PFKFB3: variants seen among roughly 807,000 people sequenced by gnomAD.
PFKFB3 encodes the protein 6-phosphofructo-2-kinase/fructose-2,6-bisphosphatase 3.
Under a neutral mutation model 68.0 loss-of-function variants are expected in PFKFB3, and 33 were observed. The observed-to-expected ratio is 0.49, with a 90% CI of 0.37 to 0.65. The LOEUF is 0.65. PFKFB3 is among the 30% of genes least tolerant of loss of function. The pLI is 0.00. For missense variants in PFKFB3, 586 were observed against 712.2 expected (o/e 0.82, Z 2.02); for synonymous variants, 315 against 288.2 (o/e 1.09, Z -0.94).
the PFKFB3 span, among the ~76,000 whole-genome samples, chr10:6,281,553 A>G: frequency 6.6e-6 from 1 of 152,070 alleles, no homozygotes; most frequent in Admixed American, 6.6e-5. Context: ...GAGGTTTTAA[A>G]AAGTGCCACT....
intron 1 of PFKFB3, among the ~76,000 whole-genome samples, chr10:6,180,976 T>C (rs983627331): frequency 6.6e-6 from 1 of 152,192 alleles, no homozygotes; most frequent in African/African-American, 2.4e-5. Context: ...AAACAGAGAC[T>C]AGAACAGATA....
At chr10:6,237,836 G>C (rs973356365), downstream of PFKFB3, among the ~76,000 whole-genome samples, 1 of 152,224 alleles carries the variant, frequency 6.6e-6, no homozygotes, top group Admixed American at 6.5e-5. Flanking sequence ...AAAGTGCTGG[G>C]ATTACAGACG....
intron 1 of PFKFB3, among the ~76,000 whole-genome samples, chr10:6,157,358 C>CTGGG (rs1239741563): frequency 6.6e-6 from 1 of 151,880 alleles, no homozygotes; most frequent in African/African-American, 2.4e-5. Flanking sequence ...TCCCGAGTAG[C>CTGGG]TGGGACTACA....
At chr10:6,175,052 G>C (rs1288855107) in intron 1 of PFKFB3, among the ~76,000 whole-genome samples, 1 of 152,094 alleles carries the variant, frequency 6.6e-6, no homozygotes, top group Non-Finnish European at 1.5e-5. Context: ...CTGACCCCAA[G>C]TGTTCCGTGC....
At chr10:6,245,075 CAACTT>C (rs1435092861) in intron 14 of PFKFB3, among the ~76,000 whole-genome samples, 3 of 152,132 alleles carry the variant, frequency 2.0e-5, no homozygotes, top group Non-Finnish European at 2.9e-5. Context: ...TGGGACTAAA[CAACTT>C]GACTTGTGGT....
At chr10:6,225,718 C>CT (rs1215380611) in intron 13 of PFKFB3, among the ~76,000 whole-genome samples, 2 of 149,658 alleles carry the variant, frequency 1.3e-5, no homozygotes, top group African/African-American at 4.9e-5. Flanking sequence ...CCAGGGTGCC[C>CT]TTTGTGTAGT....
intron 1 of PFKFB3, among the ~76,000 whole-genome samples, chr10:6,208,385 T>TTTTTTTTTTTTTTTTC (rs1843938047): frequency 6.8e-6 from 1 of 147,100 alleles, no homozygotes; most frequent in Non-Finnish European, 1.5e-5. Context: ...TTTTTTTTTT[T>TTTTTTTTTTTTTTTTC]TTTTTTTTGC....
At position 6,215,275 on chromosome 10, in the gene PFKFB3, A is replaced by G. The variant is rs1414251863; in HGVS notation, c.257A>G (p.Asn86Ser). 4 of 1,613,760 alleles carry G rather than the reference A, an allele frequency of 2.5e-6. No homozygotes were observed. Among genetic ancestry groups the G allele is most frequent in the Non-Finnish European group, 3.4e-6 (4 of 1,179,994 alleles). ...GCTGTGAAGCAGTACAGCTCCTACA[A>G]CTTCTTCCGCCCCGACAATGAGGAA... is the stretch of plus-strand genomic sequence containing the variant. The part of the protein sequence containing the change: ...REAVKQYSSY[N>S]FFRPDNEEAM... Residue 86 changes from asparagine (N) to serine (S), a missense_variant, in exon 3 of 15, where the codon AAC becomes AGC. By Grantham distance (46) the Asn-to-Ser change is conservative (BLOSUM62 1). Coordinates refer to ENST00000379775, the MANE Select transcript of PFKFB3 (RefSeq NM_004566.4). This position sits in a 1 kb window ranked among gnomAD's most constrained non-coding sequence, Gnocchi z 4.3.
chr10:6,254,568 A>G, exon 15 of PFKFB3: 1 of 387,784 alleles, frequency 2.6e-6, no homozygotes, highest in Non-Finnish European at 4.5e-6. Context: ...AGAAGTGGAA[A>G]TAGTGCTTCG....
the PFKFB3 span, among the ~76,000 whole-genome samples, chr10:6,302,256 T>C: frequency 5.6e-3 from 847 of 151,716 alleles, 8 homozygotes; most frequent in African/African-American, 0.02. Flanking sequence ...GGTTTTACCA[T>C]GTTGGTCAGG....
At chr10:6,273,676 A>G in the PFKFB3 span, among the ~76,000 whole-genome samples, 1 of 152,216 alleles carries the variant, frequency 6.6e-6, no homozygotes, top group Non-Finnish European at 1.5e-5. Context: ...AGAGGCCATC[A>G]AGTTAAAATG....
chr10:6,223,428 C>T (rs965685853), intron 11 of PFKFB3, among the ~76,000 whole-genome samples: 1 of 152,184 alleles, frequency 6.6e-6, no homozygotes, highest in African/African-American at 2.4e-5. Flanking sequence ...TGACTTTTTC[C>T]CAACTCTAAG....
intron 1 of PFKFB3, among the ~76,000 whole-genome samples, chr10:6,179,599 G>A (rs747376344): frequency 2.0e-5 from 3 of 152,160 alleles, no homozygotes; most frequent in Admixed American, 6.5e-5. Flanking sequence ...GTCGAAGGAC[G>A]GGTGTGGAGG....
the PFKFB3 span, among the ~76,000 whole-genome samples, chr10:6,273,013 T>C: frequency 2.1e-5 from 3 of 146,332 alleles, no homozygotes; most frequent in Admixed American, 2.1e-4. Context: ...TTTTTTTTTT[T>C]TTTTTTTTTT....
At chr10:6,206,821 G>A (rs12780995) in intron 1 of PFKFB3, among the ~76,000 whole-genome samples, 413 of 14,432 alleles carry the variant, frequency 0.029, 10 homozygotes, top group South Asian at 0.045. Flanking sequence ...GGGCAGAGAC[G>A]CTCCTCACTT....
the PFKFB3 span, among the ~76,000 whole-genome samples, chr10:6,279,717 C>T: frequency 2.6e-5 from 4 of 152,122 alleles, no homozygotes; most frequent in African/African-American, 7.2e-5. Context: ...TAACTAGCTC[C>T]GGGGACACCA....
chr10:6,173,670 T>TG (rs1244739231), intron 1 of PFKFB3, among the ~76,000 whole-genome samples: 7 of 150,810 alleles, frequency 4.6e-5, no homozygotes, highest in Non-Finnish European at 8.9e-5. Context: ...TCCAGAGATC[T>TG]GGGGGGCTAG....
chr10:6,177,364 C>CT (rs1198276903), intron 1 of PFKFB3, among the ~76,000 whole-genome samples: 4 of 90,816 alleles, frequency 4.4e-5, no homozygotes, highest in Non-Finnish European at 1.0e-4. Flanking sequence ...CTCTTTCTTT[C>CT]TTTCTTTCTT....
At position 6,203,240 on chromosome 10, in the gene PFKFB3, C is replaced by G. The variant is rs376534878; in HGVS notation, c.-21C>G. ...CGGGATCTCGGCCCCGGGAGGCGGG[C>G]CGTCGGGCGCAGCCGCGAAGATGCC... is the stretch of plus-strand genomic sequence containing the variant. On this transcript the variant is annotated 5_prime_UTR_variant, in exon 1 of 15. Transcript: ENST00000379775. 3.5e-4 allele frequency: 555 copies of G among 1,604,104 alleles called. 2 individuals are homozygous for G. In the African/African-American group the frequency reaches 6.4e-3, roughly 19 times the overall value.
Sources: allele counts gnomAD v4.1 joint callset (sites outside exome capture counted in the v4.1 genomes callset), GRCh38; gene constraint gnomAD v4.1.1; non-coding constraint Gnocchi (gnomAD v3.1); transcripts MANE v1.5; gene names NCBI Gene and HGNC (gene_info 2026-07-23, HGNC 2026-07-21).